The following WWTR1 variants were observed in gnomAD, a reference collection of about 807,000 sequenced individuals.
WWTR1 encodes WW domain containing transcription regulator 1, also known as WW domain-containing transcription regulator protein 1.
A neutral mutation model predicts 40.1 loss-of-function variants in WWTR1; 13 were observed. The ratio of observed to expected loss-of-function variants is 0.32; its 90% CI spans 0.21 to 0.52. The LOEUF (loss-of-function observed/expected upper bound fraction) is 0.52, where lower values mean the gene tolerates loss of function less well. Among genes scored for constraint, WWTR1 ranks in the 20% least tolerant of loss-of-function variants. The pLI is 0.97. For missense variants in WWTR1, 436 were observed against 523.1 expected (o/e 0.83, Z 1.63); for synonymous variants, 230 against 210.1 (o/e 1.09, Z -0.82).
rs996427279 is a variant in WWTR1 at position 149,644,173 on chromosome 3, G to A, written c.431+12703C>T. 9.9e-5 allele frequency among the ~76,000 whole-genome samples: 15 copies of A among 152,210 alleles called. 1 individual carries two copies. The Middle Eastern group carries it at 0.024, about 243-fold the overall frequency. ...CCTGACATTATACAGCCAGCAATCTGCAAATCTTCCTTTCCTCCTGCTTTA... is the reference window on the plus strand; with the variant it reads ...CCTGACATTATACAGCCAGCAATCTACAAATCTTCCTTTCCTCCTGCTTTA... On this transcript the variant is annotated intron_variant, in intron 2 of 6. Coordinates refer to ENST00000360632, the MANE Select transcript of WWTR1 (RefSeq NM_015472.6).
intron 2 of WWTR1, among the ~76,000 whole-genome samples, chr3:149,622,233 T>C (rs1740313000): frequency 6.6e-6 from 1 of 152,158 alleles, no homozygotes; most frequent in Admixed American, 6.6e-5. Flanking sequence ...TGGGATGTTG[T>C]TATTATTCTC....
At chr3:149,626,636 C>T (rs1246028776) in intron 2 of WWTR1, among the ~76,000 whole-genome samples, 2 of 151,848 alleles carry the variant, frequency 1.3e-5, no homozygotes, top group African/African-American at 4.8e-5. Context: ...AGGTAAAATT[C>T]TACTCCTTTT....
intron 5 of WWTR1, among the ~76,000 whole-genome samples, chr3:149,712,440 GA>G (rs1238867140): frequency 1.3e-5 from 2 of 152,186 alleles, no homozygotes; most frequent in Non-Finnish European, 2.9e-5. Flanking sequence ...GCTCTCTCAT[GA>G]TCAGCCTACG....
At chr3:149,649,026 CTT>C (rs1560102672) in intron 2 of WWTR1, 1 of 152,030 alleles carries the variant, frequency 6.6e-6, no homozygotes, top group Non-Finnish European at 1.5e-5. Flanking sequence ...GAGTTTTGCT[CTT>C]GTTGCCCAGT....
chr3:149,552,351 G>GCAGTT lies in WWTR1; in HGVS notation c.569-9815_569-9814insAACTG, dbSNP rs1281754426. Among the ~76,000 whole-genome samples, 13 of 109,064 alleles carry GCAGTT rather than the reference G, an allele frequency of 1.2e-4. 1 individual carries two copies. The highest frequency in any genetic ancestry group is 5.7e-4 in the East Asian group (2 of 3,484). 71.6% of individuals were successfully genotyped at this position (109,064 alleles called of 152,430 possible). A position where few individuals can be genotyped will look rare whatever the true frequency, so the allele number is the denominator to read the frequency against. Reference sequence around the variant, plus strand: ...AGGCACTAAATACATTCTCCCCAAAGTAAGGTTAAGGGAGGTTAGAAATTG... The same window carrying GCAGTT: ...AGGCACTAAATACATTCTCCCCAAAGCAGTTTAAGGTTAAGGGAGGTTAGAAATTG... On this transcript the variant is annotated intron_variant, in intron 3 of 6. Transcript: ENST00000360632.
chr3:149,720,079 A>G (rs927128034), intron 4 of WWTR1, among the ~76,000 whole-genome samples: 2 of 152,130 alleles, frequency 1.3e-5, no homozygotes, highest in Admixed American at 6.6e-5. Context: ...CTGTCTTTCT[A>G]TTCTGTTGAT....
intron 1 of WWTR1, among the ~76,000 whole-genome samples, chr3:149,695,751 G>C (rs1310998736): frequency 2.6e-5 from 3 of 113,380 alleles, no homozygotes; most frequent in Non-Finnish European, 5.5e-5. Context: ...ACAGAGCAAG[G>C]CTCCATCTCA....
intron 1 of WWTR1, chr3:149,657,515 T>G: frequency 1.6e-6 from 1 of 606,888 alleles, no homozygotes; most frequent in Non-Finnish European, 2.8e-6. Flanking sequence ...TCGAGAATTA[T>G]GCAACTTTCT....
chr3:149,721,929 G>A (rs908660736), intron 4 of WWTR1, among the ~76,000 whole-genome samples: 10 of 152,202 alleles, frequency 6.6e-5, no homozygotes, highest in African/African-American at 2.2e-4. Flanking sequence ...GTTAGCTACA[G>A]GTTTATTCAG....
At chr3:149,532,869 G>A (rs1735653494) in intron 4 of WWTR1, among the ~76,000 whole-genome samples, 1 of 152,200 alleles carries the variant, frequency 6.6e-6, no homozygotes, top group African/African-American at 2.4e-5. Flanking sequence ...AGCAGCTGAA[G>A]CAAAGACAAA....
In WWTR1 at chr3:149,700,372, C is replaced by T. The variant is rs374388266; in HGVS notation, c.-108+2752G>A. 2.0e-5 allele frequency among the ~76,000 whole-genome samples: 3 copies of T among 152,200 alleles called. No individual in the cohort carries two copies. In the East Asian group the frequency reaches 5.8e-4, roughly 29 times the overall value. ...AGACTGACAGGAAGGATCTATGTGC[C>T]TCATGATCCCATCCTCAAAGCCTAG... On this transcript the variant is annotated intron_variant, in intron 1 of 7. Coordinates refer to the WWTR1 transcript ENST00000465804.
At chr3:149,694,398 T>C (rs748007223) in intron 1 of WWTR1, among the ~76,000 whole-genome samples, 29 of 152,136 alleles carry the variant, frequency 1.9e-4, no homozygotes, top group Non-Finnish European at 3.2e-4. Context: ...AGAGCAAGAC[T>C]CTGTCTCAAA....
intron 2 of WWTR1, among the ~76,000 whole-genome samples, chr3:149,603,085 G>C (rs954622179): frequency 1.3e-5 from 2 of 152,048 alleles, no homozygotes; most frequent in African/African-American, 2.4e-5. Context: ...TTAACTTTGG[G>C]CAAGAATTTT....
Position 149,582,518 on chromosome 3 carries a change from G to T in WWTR1, c.432-9518C>A, listed in dbSNP as rs4681185. Among the ~76,000 whole-genome samples the T allele has an allele frequency of 6.6e-3, 999 of 151,666 alleles. 13 individuals carry two copies. Among genetic ancestry groups the T allele is most frequent in the African/African-American group, 0.023 (966 of 41,310 alleles). ...AGGCAGGAGGATTGCTTGAGCATAGGAGTTCAAGGCCAGCCTGGGCAACAT... is the reference window on the plus strand; with the variant it reads ...AGGCAGGAGGATTGCTTGAGCATAGTAGTTCAAGGCCAGCCTGGGCAACAT... On this transcript the variant is annotated intron_variant, in intron 2 of 6. Transcript: ENST00000360632.
chr3:149,524,599 G>A (rs1225006629), intron 6 of WWTR1, among the ~76,000 whole-genome samples: 1 of 152,162 alleles, frequency 6.6e-6, no homozygotes, highest in Non-Finnish European at 1.5e-5. Flanking sequence ...AACAATCAGT[G>A]CAAACTATTC....
intron 2 of WWTR1, among the ~76,000 whole-genome samples, chr3:149,598,124 G>A (rs769884468): frequency 9.2e-5 from 14 of 152,080 alleles, no homozygotes; most frequent in Admixed American, 2.0e-4. Flanking sequence ...GACCTACAAT[G>A]TACCAGAAAA....
intron 2 of WWTR1, among the ~76,000 whole-genome samples, chr3:149,663,690 C>T (rs529725144): frequency 1.3e-5 from 2 of 152,094 alleles, no homozygotes; most frequent in East Asian, 1.9e-4. Context: ...AGCGAGACTC[C>T]ATCTTAAAAA....
intron 2 of WWTR1, among the ~76,000 whole-genome samples, chr3:149,585,065 G>T (rs1738348713): frequency 6.6e-6 from 1 of 151,956 alleles, no homozygotes; most frequent in Admixed American, 6.6e-5. Context: ...AAAATGGAGA[G>T]AAATAATGGT....
intron 2 of WWTR1, among the ~76,000 whole-genome samples, chr3:149,616,587 G>T (rs146740716): frequency 0.031 from 4,691 of 151,874 alleles, 244 homozygotes; most frequent in East Asian, 0.22. Context: ...GGATTACAGG[G>T]ACGTGCCACC....
Sources: allele counts gnomAD v4.1 joint callset (sites outside exome capture counted in the v4.1 genomes callset), GRCh38; gene constraint gnomAD v4.1.1; transcripts MANE v1.5; gene names NCBI Gene and HGNC (gene_info 2026-07-23, HGNC 2026-07-21).